WDR25: variants seen among roughly 807,000 people sequenced by gnomAD.
WDR25 encodes the protein WD repeat domain 25.
In WDR25, 35 loss-of-function variants were observed where a neutral mutation model predicts 47.7. That is an observed-to-expected ratio of 0.73 (90% CI 0.56 to 0.97). The LOEUF (loss-of-function observed/expected upper bound fraction) is 0.97, where lower values mean the gene tolerates loss of function less well. WDR25 is among the 50% of genes least tolerant of loss of function. The pLI is 0.00. For missense variants in WDR25, 634 were observed against 704.7 expected, an observed-to-expected ratio of 0.90 and a Z score of 1.14; for synonymous variants, 248 against 278.9, an observed-to-expected ratio of 0.89 and a Z score of 1.10.
At chr14:100,426,046 G>T (rs1186360078) in intron 2 of WDR25, among the ~76,000 whole-genome samples, 1 of 152,176 alleles carries the variant, frequency 6.6e-6, no homozygotes, top group African/African-American at 2.4e-5. Flanking sequence ...AGCTTCACAT[G>T]GGGTAGTTTA....
At chr14:100,503,044 CGTGTGTGTGTGTGCGTGTGT>C (rs1438256437) in intron 4 of WDR25, among the ~76,000 whole-genome samples, 1 of 150,140 alleles carries the variant, frequency 6.7e-6, no homozygotes, top group East Asian at 2.0e-4. Context: ...TGTCTGTGTC[CGTGTGTGTGTGTGCGTGTGT>C]GTGTGTGTGT....
intron 2 of WDR25, among the ~76,000 whole-genome samples, chr14:100,441,726 G>A (rs569270708): frequency 3.3e-4 from 51 of 152,268 alleles, no homozygotes; most frequent in African/African-American, 1.2e-3. Context: ...TTCTGTCATA[G>A]GGCTGCTGCA....
chr14:100,478,506 C>T (rs1028394643), intron 3 of WDR25, among the ~76,000 whole-genome samples: 1 of 152,204 alleles, frequency 6.6e-6, no homozygotes, highest in Middle Eastern at 3.2e-3. Flanking sequence ...AGCGAGATTT[C>T]TACCTTAGTC....
intron 2 of WDR25, among the ~76,000 whole-genome samples, chr14:100,448,193 CAAAAAAAAAA>C (rs111428141): frequency 3.8e-4 from 42 of 110,278 alleles, no homozygotes; most frequent in Non-Finnish European, 4.3e-4. Context: ...AACTCCGTCT[CAAAAAAAAAA>C]AAAAAAAAAG....
At chr14:100,516,731 T>C (rs1284175495) in intron 4 of WDR25, among the ~76,000 whole-genome samples, 3 of 152,318 alleles carry the variant, frequency 2.0e-5, no homozygotes, top group Admixed American at 6.5e-5. Context: ...TTTATCCTTT[T>C]ACTTATAAGC....
chr14:100,394,223 C>T lies in WDR25; in HGVS notation c.822+12477C>T, dbSNP rs1313756513. On this transcript the variant is annotated intron_variant, in intron 2 of 6. Transcript: ENST00000402312. ...AAATAATCCGGTGCGCACCCAGTGA[C>T]CCCAGCAGACTCTTGAGGAGCTCAG... Among the ~76,000 whole-genome samples the T allele has an allele frequency of 3.3e-5, 5 of 152,300 alleles. No homozygotes were observed. The South Asian group carries it at 8.3e-4, about 25-fold the overall frequency.
At chr14:100,419,275 G>A (rs1566901124) in intron 2 of WDR25, among the ~76,000 whole-genome samples, 2 of 151,836 alleles carry the variant, frequency 1.3e-5, no homozygotes, top group African/African-American at 2.4e-5. Flanking sequence ...TCTCTCTGCG[G>A]CTTCCTGGGG....
At chr14:100,379,511 T>A (rs1232587136) in intron 1 of WDR25, among the ~76,000 whole-genome samples, 1 of 150,554 alleles carries the variant, frequency 6.6e-6, no homozygotes, top group East Asian at 2.0e-4. Flanking sequence ...TCTCAGCCTC[T>A]CAAGTAGCTG....
chr14:100,412,761 C>T (rs761983392), intron 2 of WDR25, among the ~76,000 whole-genome samples: 3 of 152,114 alleles, frequency 2.0e-5, no homozygotes, highest in African/African-American at 4.8e-5. Context: ...GGCCAGATCA[C>T]GAAAGGCCCT....
At position 100,451,887 on chromosome 14, in the gene WDR25, A is replaced by T. The variant is rs149153330; in HGVS notation, c.823-16134A>T. ...TAGCATTCTTTTCCACAGCCTAATA[A>T]TAAATAAATTGGGTAATGTTACAGA... On this transcript the variant is annotated intron_variant, in intron 2 of 6. Coordinates refer to ENST00000402312, the MANE Select transcript of WDR25 (RefSeq NM_001161476.3). 1.2e-3 allele frequency among the ~76,000 whole-genome samples: 186 copies of T among 152,328 alleles called. 1 individual carries two copies. The highest frequency in any genetic ancestry group is 4.4e-3 in the African/African-American group (182 of 41,572).
chr14:100,517,892 T>TAAGCCTTTTTACC (rs1901560179), intron 4 of WDR25, among the ~76,000 whole-genome samples: 1 of 152,118 alleles, frequency 6.6e-6, no homozygotes, highest in Admixed American at 6.5e-5. Flanking sequence ...TCTAACCAGA[T>TAAGCCTTTTTACC]AAGCCTTTTT....
intron 1 of WDR25, among the ~76,000 whole-genome samples, chr14:100,376,956 A>G (rs779021692): frequency 1.2e-4 from 18 of 152,232 alleles, no homozygotes; most frequent in African/African-American, 4.3e-4. Context: ...TCCTGTCCTC[A>G]TGGGGCTGAC....
chr14:100,470,744 C>G (rs769101591), intron 3 of WDR25, among the ~76,000 whole-genome samples: 11 of 152,148 alleles, frequency 7.2e-5, no homozygotes, highest in Non-Finnish European at 1.2e-4. Flanking sequence ...GAATGCCTTG[C>G]CTGGTTGGTG....
chr14:100,522,956 G>C (rs926964160), intron 4 of WDR25, among the ~76,000 whole-genome samples: 3 of 152,160 alleles, frequency 2.0e-5, no homozygotes, highest in Non-Finnish European at 4.4e-5. Context: ...TTGTCTCCAC[G>C]TCTGAGGCAC....
At chr14:100,459,921 TATATATATATATATATATACAC>T (rs1224168538) in intron 2 of WDR25, among the ~76,000 whole-genome samples, 23 of 103,654 alleles carry the variant, frequency 2.2e-4, no homozygotes, top group African/African-American at 8.2e-4. Flanking sequence ...TATATATATA[TATATATATATATATATATACAC>T]ATACACATAC....
At position 100,498,884 on chromosome 14, in the gene WDR25, C is replaced by T. The variant is rs531716821; in HGVS notation, c.1101+14760C>T. ...GGCCAGTGGCAGCCCTGTCCCTCCC[C>T]TTCTGTCTCTTACTTGGCCTGAGTG... On this transcript the variant is annotated intron_variant, in intron 4 of 6. Coordinates refer to ENST00000402312, the MANE Select transcript of WDR25 (RefSeq NM_001161476.3). The surrounding 1 kb of genome is among the most constrained non-coding windows in gnomAD (Gnocchi z 4.2). Among the ~76,000 whole-genome samples, 9 of 152,346 alleles carry T rather than the reference C, an allele frequency of 5.9e-5. No homozygotes were observed. In the East Asian group the frequency reaches 1.5e-3, roughly 26 times the overall value.
At chr14:100,393,475 T>C (rs1018800581) in intron 2 of WDR25, among the ~76,000 whole-genome samples, 1 of 152,236 alleles carries the variant, frequency 6.6e-6, no homozygotes, top group Non-Finnish European at 1.5e-5. Flanking sequence ...TCCTGCTGTG[T>C]TGCTGTTAGC....
rs114012899 is a variant in WDR25, at chr14:100,429,100, G to A, written c.823-38921G>A. Among the ~76,000 whole-genome samples, 1,130 of 152,308 alleles carry A rather than the reference G, an allele frequency of 7.4e-3. 14 individuals are homozygous for A. Among genetic ancestry groups the A allele is most frequent in the African/African-American group, 0.026 (1,073 of 41,554 alleles). ...CATTTTCTTCCATTTGGCACTTTGT[G>A]TTTTGTCCCCCGGGTTTTGATCTAG... is the stretch of plus-strand genomic sequence containing the variant. On this transcript the variant is annotated intron_variant, in intron 2 of 6. Transcript: ENST00000402312.
At chr14:100,517,889 A>G (rs1901559766) in intron 4 of WDR25, among the ~76,000 whole-genome samples, 1 of 152,192 alleles carries the variant, frequency 6.6e-6, no homozygotes. Flanking sequence ...TCTTCTAACC[A>G]GATAAGCCTT....
Sources: allele counts gnomAD v4.1 joint callset (sites outside exome capture counted in the v4.1 genomes callset), GRCh38; gene constraint gnomAD v4.1.1; non-coding constraint Gnocchi (gnomAD v3.1); transcripts MANE v1.5; gene names NCBI Gene and HGNC (gene_info 2026-07-23, HGNC 2026-07-21).